Variants in MAP7 observed in about 807,000 individuals in gnomAD.
MAP7 encodes the protein ensconsin.
Under a neutral mutation model 94.8 loss-of-function variants are expected in MAP7, and 52 were observed. That is an observed-to-expected ratio of 0.55 (90% CI 0.44 to 0.69). MAP7 has a LOEUF of 0.69. MAP7 is among the 30% of genes least tolerant of loss of function. The pLI is 0.00. For synonymous variants in MAP7, 350 were observed against 357.0 expected, an observed-to-expected ratio of 0.98 and a Z score of 0.22; for missense variants, 940 against 964.6, an observed-to-expected ratio of 0.97 and a Z score of 0.34.
chr6:136,489,981 T>C (rs1207961903), intron 1 of MAP7, among the ~76,000 whole-genome samples: 1 of 152,140 alleles, frequency 6.6e-6, no homozygotes, highest in African/African-American at 2.4e-5. Context: ...TATATACAAT[T>C]CCTCTTCCAG....
intron 11 of MAP7, 100 bp from the exon 12 acceptor site, chr6:136,361,279 G>C (rs913484363): frequency 1.3e-4 from 169 of 1,253,854 alleles, no homozygotes; most frequent in Admixed American, 5.3e-4. Context: ...TCCTTTAGGC[G>C]TCCAGTAGAA....
At position 136,493,170 on chromosome 6, in the gene MAP7, C is replaced by G. The variant is rs1247965057; in HGVS notation, c.67+57172G>C. Among the ~76,000 whole-genome samples, 6 of 140,564 alleles carry G rather than the reference C, an allele frequency of 4.3e-5. No individual in the cohort carries two copies. In the East Asian group the frequency reaches 1.3e-3, roughly 30 times the overall value. 92.2% of individuals were successfully genotyped at this position (140,564 alleles called of 152,430 possible). A position where few individuals can be genotyped will look rare whatever the true frequency, so the allele number is the denominator to read the frequency against. On this transcript the variant is annotated intron_variant, in intron 1 of 17. Coordinates refer to ENST00000354570, the MANE Select transcript of MAP7 (RefSeq NM_003980.6). ...CGGAGTTTCACTCTTGTTGCCCAGG[C>G]TGGAGTGCAATGGCACGATCCGGCT...
chr6:136,360,125 C>A (rs955969187), intron 13 of MAP7, 94 bp from the exon 14 acceptor site: 2 of 991,044 alleles, frequency 2.0e-6, no homozygotes, highest in Non-Finnish European at 3.0e-6. Context: ...TTAAAATGGT[C>A]TGTTATTTTG....
intron 3 of MAP7, among the ~76,000 whole-genome samples, 185 bp downstream of exon 3, chr6:136,411,435 A>G (rs1787419800): frequency 1.3e-5 from 2 of 152,230 alleles, no homozygotes; most frequent in African/African-American, 2.4e-5. Context: ...GCAAAAAAGG[A>G]TGACCTTAAT....
intron 1 of MAP7, among the ~76,000 whole-genome samples, chr6:136,485,794 C>T (rs1178829051): frequency 6.6e-6 from 1 of 151,978 alleles, no homozygotes; most frequent in African/African-American, 2.4e-5. Flanking sequence ...GATCTCCTGA[C>T]CTCGTGATCC....
intron 16 of MAP7, among the ~76,000 whole-genome samples, chr6:136,352,862 T>C (rs529271629): frequency 1.3e-5 from 2 of 152,350 alleles, no homozygotes; most frequent in East Asian, 3.9e-4. Flanking sequence ...TAAATAAAAG[T>C]ACTTCTTTAT....
intron 7 of MAP7, among the ~76,000 whole-genome samples, chr6:136,374,303 T>C (rs1775443269): frequency 6.6e-6 from 1 of 152,214 alleles, no homozygotes; most frequent in Non-Finnish European, 1.5e-5. Flanking sequence ...GAAAATAATC[T>C]TTTCTCAAGC....
chr6:136,365,792 T>C lies in MAP7; in HGVS notation c.1216A>G (p.Lys406Glu). 2 of 1,614,162 alleles carry C rather than the reference T, an allele frequency of 1.2e-6. No individual in the cohort carries two copies. The highest frequency in any genetic ancestry group is 1.7e-6 in the Non-Finnish European group (2 of 1,180,046). ...TCTTCAACTGTGGCTTCTTCTACCT[T>C]CACTAAAGGTGCTCTGCCCTTTAGT... is the stretch of plus-strand genomic sequence containing the variant. ...PSLKGRAPLV[K>E]VEEATVEERT... The change falls in exon 10 of 18, where the codon AAG becomes GAG. Residue 406 changes from lysine to glutamate, a missense_variant. Physicochemically the swap from Lys to Glu is moderately conservative, Grantham distance 56 (BLOSUM62 1). Coordinates refer to ENST00000354570, the MANE Select transcript of MAP7 (RefSeq NM_003980.6).
At chr6:136,427,224 A>G (rs1793439934) in intron 1 of MAP7, among the ~76,000 whole-genome samples, 1 of 152,206 alleles carries the variant, frequency 6.6e-6, no homozygotes, top group South Asian at 2.1e-4. Flanking sequence ...TCCACCGGAA[A>G]TGGGACTCCA....
intron 1 of MAP7, among the ~76,000 whole-genome samples, chr6:136,501,728 C>T (rs1374643786): frequency 2.0e-5 from 3 of 152,164 alleles, no homozygotes; most frequent in Non-Finnish European, 4.4e-5. Context: ...TCATCGCACT[C>T]ATCCTTCCAG....
chr6:136,515,486 C>A (rs1824535389), intron 1 of MAP7, among the ~76,000 whole-genome samples: 2 of 152,220 alleles, frequency 1.3e-5, no homozygotes, highest in South Asian at 4.1e-4. Flanking sequence ...CCTCACTAGG[C>A]TTAATCATTT....
At chr6:136,547,698 G>GAAGACA (rs60950763) in intron 1 of MAP7, among the ~76,000 whole-genome samples, 1 of 151,648 alleles carries the variant, frequency 6.6e-6, no homozygotes, top group African/African-American at 2.4e-5. Flanking sequence ...CTAACTTTGA[G>GAAGACA]AATATATACC....
In MAP7 at chr6:136,383,792, TG is replaced by T; in HGVS notation, c.527-12del. ...ACCGCCTGTCTGGATCTAAAACAAA[TG>T]GAGATAATGCTAATTGACAGCCAAC... On this transcript the variant is annotated splice_polypyrimidine_tract_variant and intron_variant, in intron 5 of 17. Transcript: ENST00000354570. 1.3e-6 allele frequency: 2 copies of T among 1,514,192 alleles called. No individual in the cohort carries two copies. Among genetic ancestry groups the T allele is most frequent in the Non-Finnish European group, 1.8e-6 (2 of 1,090,818 alleles). The allele number at this position is 1,514,192 out of a possible 1,614,324, so 93.8% of individuals were successfully genotyped here.
chr6:136,368,085 A>G (rs1334148345), intron 8 of MAP7, among the ~76,000 whole-genome samples: 1 of 152,126 alleles, frequency 6.6e-6, no homozygotes, highest in Non-Finnish European at 1.5e-5. Flanking sequence ...AGTACCTTTG[A>G]GCCAATTCTT....
chr6:136,412,931 C>T (rs766242369), intron 2 of MAP7, among the ~76,000 whole-genome samples: 16 of 151,886 alleles, frequency 1.1e-4, no homozygotes, highest in South Asian at 2.1e-4. Flanking sequence ...GAGGCCGAGG[C>T]GGGTGGATTG....
chr6:136,447,312 A>C (rs78155040), intron 1 of MAP7, among the ~76,000 whole-genome samples: 2,044 of 152,318 alleles, frequency 0.013, 56 homozygotes, highest in East Asian at 0.094. Context: ...AGTGAGTTAA[A>C]CATCTGGCAA....
At chr6:136,477,502 G>T (rs1055913253) in intron 1 of MAP7, among the ~76,000 whole-genome samples, 1 of 152,050 alleles carries the variant, frequency 6.6e-6, no homozygotes, top group Non-Finnish European at 1.5e-5. Context: ...CCCAAAAGAG[G>T]AGTAACTAAA....
At chr6:136,537,898 CA>C (rs1298132964) in intron 1 of MAP7, among the ~76,000 whole-genome samples, 1 of 152,062 alleles carries the variant, frequency 6.6e-6, no homozygotes, top group African/African-American at 2.4e-5. Context: ...TCTCCTGCCT[CA>C]GCATCCCGAG....
chr6:136,444,944 A>G (rs1045831470), intron 1 of MAP7, among the ~76,000 whole-genome samples: 1 of 152,098 alleles, frequency 6.6e-6, no homozygotes, highest in Non-Finnish European at 1.5e-5. Context: ...TGACCCTGCT[A>G]CTCTCTACTC....
Sources: allele counts gnomAD v4.1 joint callset (sites outside exome capture counted in the v4.1 genomes callset), GRCh38; gene constraint gnomAD v4.1.1; transcripts MANE v1.5; gene names NCBI Gene and HGNC (gene_info 2026-07-23, HGNC 2026-07-21).